Variants in CMSS1 observed in about 807,000 individuals in gnomAD.
CMSS1 encodes the protein cms1 ribosomal small subunit homolog, also known as protein CMSS1.
In CMSS1, 33 loss-of-function variants were observed where a neutral mutation model predicts 43.5. The observed-to-expected ratio is 0.76, with a 90% CI of 0.57 to 1.01. The LOEUF (loss-of-function observed/expected upper bound fraction) is 1.01. Ranked by LOEUF, CMSS1 falls within the 50% of genes least tolerant of loss-of-function variation. CMSS1 has a pLI of 0.00. For synonymous variants in CMSS1, 115 were observed against 117.2 expected, an observed-to-expected ratio of 0.98 and a Z score of 0.12; for missense variants, 313 against 326.4, an observed-to-expected ratio of 0.96 and a Z score of 0.32.
rs142285444 is a variant in CMSS1, at chr3:100,013,339, G to A, written c.65-133634G>A. Among the ~76,000 whole-genome samples, 1,091 of 152,068 alleles carry A rather than the reference G, an allele frequency of 7.2e-3. 4 individuals are homozygous for A. Among genetic ancestry groups the A allele is most frequent in the African/African-American group, 1.0e-2 (413 of 41,454 alleles). ...GCTCACTGAATCCTCCACTTCCCAG[G>A]TTCAAGCGATTCTCCTGCCTCAGCC... On this transcript the variant is annotated intron_variant, in intron 1 of 9. Coordinates refer to ENST00000421999, the MANE Select transcript of CMSS1 (RefSeq NM_032359.4).
At chr3:100,135,976 G>A (rs907482429) in intron 1 of CMSS1, among the ~76,000 whole-genome samples, 3 of 152,196 alleles carry the variant, frequency 2.0e-5, no homozygotes, top group African/African-American at 7.2e-5. Context: ...CTCTAGATCT[G>A]TTGTCTCAAC....
At chr3:100,054,539 T>TATGTTATGTC (rs1474837701) in intron 1 of CMSS1, among the ~76,000 whole-genome samples, 14 of 125,782 alleles carry the variant, frequency 1.1e-4, no homozygotes, top group South Asian at 1.0e-3. Flanking sequence ...TATGTTATGT[T>TATGTTATGTC]ATGTCATGTT....
chr3:100,045,589 T>A (rs773927134), intron 1 of CMSS1, among the ~76,000 whole-genome samples: 2 of 152,162 alleles, frequency 1.3e-5, no homozygotes, highest in Non-Finnish European at 2.9e-5. Flanking sequence ...AATGGGACAT[T>A]TGGACCCAAA....
At chr3:100,167,481 CA>C (rs1459968445) in intron 5 of CMSS1, among the ~76,000 whole-genome samples, 1 of 152,060 alleles carries the variant, frequency 6.6e-6, no homozygotes, top group Non-Finnish European at 1.5e-5. Flanking sequence ...TGTAATATTC[CA>C]AATTTTTTTA....
At chr3:99,865,276 G>A (rs1469917324) in intron 1 of CMSS1, among the ~76,000 whole-genome samples, 1 of 152,160 alleles carries the variant, frequency 6.6e-6, no homozygotes, top group African/African-American at 2.4e-5. Context: ...TGAGTAATTG[G>A]CAGAGCCAGA....
chr3:99,878,309 T>C (rs1705606144), intron 1 of CMSS1, among the ~76,000 whole-genome samples: 1 of 152,252 alleles, frequency 6.6e-6, no homozygotes, highest in South Asian at 2.1e-4. Flanking sequence ...CATTTCATCA[T>C]TTAATCTTCA....
intron 1 of CMSS1, among the ~76,000 whole-genome samples, chr3:100,020,635 A>T (rs1431914733): frequency 6.6e-6 from 1 of 152,204 alleles, no homozygotes; most frequent in Non-Finnish European, 1.5e-5. Flanking sequence ...TAACATTTTT[A>T]AAATAGTCTT....
At chr3:99,842,606 G>T (rs548380789) in intron 1 of CMSS1, among the ~76,000 whole-genome samples, 4 of 151,492 alleles carry the variant, frequency 2.6e-5, no homozygotes, top group Non-Finnish European at 5.9e-5. Context: ...AAGAAAACTA[G>T]TTTCAGTTTT....
chr3:100,103,487 C>G (rs190700), intron 1 of CMSS1, among the ~76,000 whole-genome samples: 2 of 152,212 alleles, frequency 1.3e-5, no homozygotes, highest in Non-Finnish European at 2.9e-5. Flanking sequence ...AACTGAAGAT[C>G]TAGAGTCTTT....
chr3:99,888,955 A>G (rs1705998606), intron 1 of CMSS1, among the ~76,000 whole-genome samples: 1 of 152,058 alleles, frequency 6.6e-6, no homozygotes, highest in South Asian at 2.1e-4. Context: ...CTTTTTTGTC[A>G]TTGATTACAT....
At chr3:100,106,658 G>A (rs2066400360) in intron 1 of CMSS1, among the ~76,000 whole-genome samples, 1 of 152,168 alleles carries the variant, frequency 6.6e-6, no homozygotes, top group Non-Finnish European at 1.5e-5. Flanking sequence ...GCATATGCAT[G>A]CTCACCTGGC....
At chr3:99,989,837 A>G (rs1223751758) in intron 1 of CMSS1, among the ~76,000 whole-genome samples, 1 of 152,184 alleles carries the variant, frequency 6.6e-6, no homozygotes. Flanking sequence ...TACTCAGATC[A>G]GTTTCATAAA....
chr3:99,874,561 G>T (rs921698340), intron 1 of CMSS1: 1 of 152,004 alleles, frequency 6.6e-6, no homozygotes, highest in Admixed American at 6.5e-5. Flanking sequence ...CCTATCCTCA[G>T]GCCAAATAAC....
At chr3:100,066,877 G>A (rs1325973545) in intron 1 of CMSS1, among the ~76,000 whole-genome samples, 5 of 152,112 alleles carry the variant, frequency 3.3e-5, no homozygotes, top group Non-Finnish European at 7.4e-5. Context: ...ACAGTTTAAA[G>A]ATTTTTACTT....
rs1262986265 is a variant in CMSS1 at position 100,031,581 on chromosome 3, A to G, written c.65-115392A>G. ...CTGAGCATAAAAACCCAACACCCAA[A>G]CAAGACCTGAGACCCGCATCCCTTG... On this transcript the variant is annotated intron_variant, in intron 1 of 9. Transcript: ENST00000421999. 3.3e-5 allele frequency among the ~76,000 whole-genome samples: 5 copies of G among 152,124 alleles called. No homozygotes were observed. The East Asian group carries it at 7.7e-4, about 23-fold the overall frequency.
chr3:100,013,214 GTGTTGTTGTTGT>G (rs35047568), intron 1 of CMSS1, among the ~76,000 whole-genome samples: 12 of 145,522 alleles, frequency 8.2e-5, no homozygotes, highest in East Asian at 4.3e-4. Context: ...GGCCAGTGAG[GTGTTGTTGTTGT>G]TGTTGTTGTT....
At chr3:99,820,145 T>A (rs1316496876) in intron 1 of CMSS1, among the ~76,000 whole-genome samples, 1 of 152,126 alleles carries the variant, frequency 6.6e-6, no homozygotes, top group African/African-American at 2.4e-5. Context: ...GACAGTGTGT[T>A]GGAGTGCCTA....
chr3:99,863,773 A>C (rs901224905), intron 1 of CMSS1, among the ~76,000 whole-genome samples: 2 of 152,194 alleles, frequency 1.3e-5, no homozygotes, highest in Non-Finnish European at 2.9e-5. Flanking sequence ...CATCTCCCCA[A>C]CTGTAACCAC....
At chr3:99,886,815 C>G (rs1393320869) in intron 1 of CMSS1, among the ~76,000 whole-genome samples, 1 of 151,638 alleles carries the variant, frequency 6.6e-6, no homozygotes, top group Non-Finnish European at 1.5e-5. Context: ...ACCAAAAATA[C>G]AAAAATTAGC....
Sources: allele counts gnomAD v4.1 joint callset (sites outside exome capture counted in the v4.1 genomes callset), GRCh38; gene constraint gnomAD v4.1.1; transcripts MANE v1.5; gene names NCBI Gene and HGNC (gene_info 2026-07-23, HGNC 2026-07-21).